HERC2: variants seen among roughly 807,000 people sequenced by gnomAD.
HERC2 encodes the protein HECT and RLD domain containing E3 ubiquitin protein ligase 2.
Under a neutral mutation model 537.7 loss-of-function variants are expected in HERC2, and 102 were observed. The observed-to-expected ratio is 0.19, with a 90% confidence interval of 0.16 to 0.22. The LOEUF (loss-of-function observed/expected upper bound fraction) is 0.22, where lower values mean the gene tolerates loss of function less well. Ranked by LOEUF, HERC2 falls within the 10% of genes least tolerant of loss-of-function variation. The pLI, the probability that HERC2 is intolerant of heterozygous loss-of-function variation, is 1.00. For missense variants in HERC2, 4,236 were observed against 6,198.2 expected (o/e 0.68, Z 10.63); for synonymous variants, 2,224 against 2,466.2 (o/e 0.90, Z 2.91).
At chr15:28,284,570 A>C (rs2141079389) in intron 4 of HERC2, among the ~76,000 whole-genome samples, 1 of 152,256 alleles carries the variant, frequency 6.6e-6, no homozygotes, top group East Asian at 1.9e-4. Context: ...AACATTACTG[A>C]AAGGACAGCA....
rs142553001 is a variant in HERC2 at position 28,238,645 on chromosome 15, T to C, written c.3705A>G (p.Ile1235Met). ...TTAACGACTGTGTCTGGAAGTCCTT[T>C]ATATCATACACCTTCCCGTCAATCA... is the stretch of plus-strand genomic sequence containing the variant. ...WTVIDGKVYD[I>M]KDFQTQSLTG... The change falls in exon 24 of 93, where the codon ATA becomes ATG. Residue 1235 changes from isoleucine to methionine, a missense_variant. Ile to Met is a conservative substitution (Grantham distance 10, BLOSUM62 1). Coordinates refer to ENST00000261609, the MANE Select transcript of HERC2 (RefSeq NM_004667.6). The C allele has an allele frequency of 2.9e-4, 469 of 1,611,724 alleles. No individual in the cohort carries two copies. Among genetic ancestry groups the C allele is most frequent in the Non-Finnish European group, 3.8e-4 (448 of 1,179,608 alleles).
intron 48 of HERC2, among the ~76,000 whole-genome samples, chr15:28,200,365 A>G (rs1897785025): frequency 6.6e-6 from 1 of 152,168 alleles, no homozygotes; most frequent in South Asian, 2.1e-4. Context: ...ACTGCACTCC[A>G]GCCTGGGTGA....
intron 5 of HERC2, among the ~76,000 whole-genome samples, chr15:28,278,039 TGAGCCCAGGGGTTCAA>T (rs1360555322): frequency 1.3e-5 from 2 of 151,732 alleles, no homozygotes; most frequent in Non-Finnish European, 2.9e-5. Flanking sequence ...GAGGGTTGCT[TGAGCCCAGGGGTTCAA>T]GACCAGCCCG....
chr15:28,237,188 C>G lies in HERC2; in HGVS notation c.3853-75G>C, dbSNP rs4468588. 1,061 of 1,448,512 alleles carry G rather than the reference C, an allele frequency of 7.3e-4. 1 individual carries two copies. The highest frequency in any genetic ancestry group is 8.5e-4 in the Non-Finnish European group (882 of 1,034,724). 89.7% of individuals were successfully genotyped at this position (1,448,512 alleles called of 1,614,324 possible). ...AACATAAAACCAAAAGGACAGCTCT[C>G]TCCTGCAGCTGTAACCGCACGTGAG... is the stretch of plus-strand genomic sequence containing the variant. On this transcript the variant is annotated intron_variant, in intron 25 of 92. Coordinates refer to ENST00000261609, the MANE Select transcript of HERC2 (RefSeq NM_004667.6).
rs566626647 is a variant in HERC2, at chr15:28,245,638, C to T, written c.3577+243G>A. On this transcript the variant is annotated intron_variant, in intron 23 of 92. Transcript: ENST00000261609. ...ATATACACACACATATATGTACACACATATATATACACACTCATATATACA... is the reference window on the plus strand; with the variant it reads ...ATATACACACACATATATGTACACATATATATATACACACTCATATATACA... 6.0e-5 allele frequency among the ~76,000 whole-genome samples: 9 copies of T among 150,550 alleles called. No individual in the cohort carries two copies. In the East Asian group the frequency reaches 1.7e-3, roughly 29 times the overall value.
Position 28,111,618 on chromosome 15 carries a change from CCAGT to C in HERC2, c.*141_*144del, listed in dbSNP as rs1437222395. On this transcript the variant is annotated 3_prime_UTR_variant, in exon 93 of 93. Coordinates refer to ENST00000261609, the MANE Select transcript of HERC2 (RefSeq NM_004667.6). Reference sequence around the variant, plus strand: ...CTTCTCACTGTCATTCCCATCACGGCCAGTCAGTCTCTCCACTCCCTCCTCCCGC... The same window carrying C: ...CTTCTCACTGTCATTCCCATCACGGCCAGTCTCTCCACTCCCTCCTCCCGC... 3.0e-5 allele frequency: 24 copies of C among 790,848 alleles called. No individual in the cohort carries two copies. Among genetic ancestry groups the C allele is most frequent in the African/African-American group, 8.7e-5 (5 of 57,644 alleles). The allele number at this position is 790,848 out of a possible 1,614,324, so 49.0% of individuals were successfully genotyped here.
chr15:28,216,741 C>T (rs1899947389), intron 38 of HERC2, among the ~76,000 whole-genome samples: 1 of 148,984 alleles, frequency 6.7e-6, no homozygotes, highest in Admixed American at 6.7e-5. Flanking sequence ...GGTGCACTCA[C>T]ACCACTGTCG....
At chr15:28,288,448 AG>A (rs2076219580) in intron 4 of HERC2, among the ~76,000 whole-genome samples, 1 of 121,164 alleles carries the variant, frequency 8.3e-6, no homozygotes, top group African/African-American at 3.3e-5. Flanking sequence ...GTTTGAACCC[AG>A]GAGGGAGGCA....
intron 4 of HERC2, among the ~76,000 whole-genome samples, chr15:28,286,898 G>C (rs1402178375): frequency 1.3e-5 from 2 of 152,138 alleles, no homozygotes; most frequent in Admixed American, 6.5e-5. Context: ...ATGTTGAGAA[G>C]CAAGTGTCCA....
chr15:28,193,802 G>C (rs1897077970), intron 52 of HERC2, among the ~76,000 whole-genome samples: 1 of 152,074 alleles, frequency 6.6e-6, no homozygotes, highest in African/African-American at 2.4e-5. Flanking sequence ...AGTGGTGAAA[G>C]AAAACACCTA....
chr15:28,184,969 C>T (rs1272208292), intron 56 of HERC2, among the ~76,000 whole-genome samples: 1 of 146,598 alleles, frequency 6.8e-6, no homozygotes, highest in Non-Finnish European at 1.5e-5. Flanking sequence ...ATCTATAATC[C>T]TTTTATTAAA....
At chr15:28,259,819 T>A (rs748582777) in intron 16 of HERC2, among the ~76,000 whole-genome samples, 1 of 147,684 alleles carries the variant, frequency 6.8e-6, no homozygotes, top group Admixed American at 6.8e-5. Flanking sequence ...AATACAAAAA[T>A]TAGCCAGGCA....
intron 83 of HERC2, among the ~76,000 whole-genome samples, chr15:28,129,159 T>C (rs1889829182): frequency 6.6e-6 from 1 of 152,206 alleles, no homozygotes; most frequent in Non-Finnish European, 1.5e-5. Context: ...CCCACGCTCC[T>C]GATTCTCCAG....
Position 28,163,268 on chromosome 15 carries a change from A to ATTTTGGC in HERC2, c.10565_10571dup (p.Asn3524LysfsTer4), listed in dbSNP as rs1368832027. The ATTTTGGC allele has an allele frequency of 6.2e-7, 1 of 1,613,226 alleles. No individual in the cohort carries two copies. Among genetic ancestry groups the ATTTTGGC allele is most frequent in the Non-Finnish European group, 8.5e-7 (1 of 1,179,968 alleles). ...CCTGAGGCTCCGGACCTGCTGCTTTATTTTGGCTTTCAACATCCTAAGTCA... is the reference window on the plus strand; with the variant it reads ...CCTGAGGCTCCGGACCTGCTGCTTTATTTTGGCTTTTGGCTTTCAACATCCTAAGTCA... On this transcript the variant is annotated frameshift_variant, in exon 69 of 93. Transcript: ENST00000261609. LOFTEE classifies it high-confidence loss of function.
At chr15:28,154,075 C>G (rs1395673431) in intron 69 of HERC2, among the ~76,000 whole-genome samples, 1 of 152,028 alleles carries the variant, frequency 6.6e-6, no homozygotes, top group Non-Finnish European at 1.5e-5. Context: ...ACATCTTTTA[C>G]GATTAAGGTT....
At chr15:28,118,490 T>G (rs926340274) in intron 86 of HERC2, 1 of 152,234 alleles carries the variant, frequency 6.6e-6, no homozygotes, top group Non-Finnish European at 1.5e-5. Context: ...ATGCAATAAC[T>G]CTGTAATAAA....
chr15:28,216,865 TCA>T (rs1899961774), intron 38 of HERC2, among the ~76,000 whole-genome samples: 1 of 148,430 alleles, frequency 6.7e-6, no homozygotes, highest in Admixed American at 6.6e-5. Flanking sequence ...ATACAAAAAC[TCA>T]CATATGCACT....
chr15:28,168,678 A>G, intron 66 of HERC2, 88 bp from the exon 67 acceptor site: 1 of 1,215,004 alleles, frequency 8.2e-7, no homozygotes, highest in Non-Finnish European at 1.1e-6. Context: ...GCACGCACTG[A>G]GGCGTTTCCT....
chr15:28,275,707 TG>T (rs1217952079), intron 5 of HERC2, among the ~76,000 whole-genome samples: 1 of 151,844 alleles, frequency 6.6e-6, no homozygotes, highest in Non-Finnish European at 1.5e-5. Flanking sequence ...GGTGTGAACC[TG>T]GGGGGTGCAG....
Sources: allele counts gnomAD v4.1 joint callset (sites outside exome capture counted in the v4.1 genomes callset), GRCh38; gene constraint gnomAD v4.1.1; transcripts MANE v1.5; gene names NCBI Gene and HGNC (gene_info 2026-07-23, HGNC 2026-07-21).